The following FARS2 variants were observed in gnomAD, a reference collection of about 807,000 sequenced individuals.
FARS2 encodes phenylalanine--tRNA ligase, mitochondrial.
FARS2 carries 40 observed loss-of-function variants against 46.4 expected under a neutral mutation model. The observed-to-expected ratio is 0.86, with a 90% CI of 0.67 to 1.12. The LOEUF is 1.12. Ranked by LOEUF, FARS2 falls within the 50% of genes most tolerant of loss-of-function variation. The pLI is 0.00. For missense variants in FARS2, 513 were observed against 567.9 expected (o/e 0.90, Z 0.98); for synonymous variants, 234 against 214.9 (o/e 1.09, Z -0.78).
intron 1 of FARS2, among the ~76,000 whole-genome samples, chr6:5,293,295 A>G (rs180895347): frequency 1.3e-5 from 2 of 152,308 alleles, no homozygotes; most frequent in Non-Finnish European, 2.9e-5. Context: ...TTGTTTTAGT[A>G]GGAGAAATTA....
chr6:5,744,953 A>T (rs1041877574), intron 6 of FARS2, among the ~76,000 whole-genome samples: 9 of 152,230 alleles, frequency 5.9e-5, no homozygotes, highest in Non-Finnish European at 1.0e-4. Flanking sequence ...GGAAATCAAG[A>T]TGATCATCCT....
Position 5,567,354 on chromosome 6 carries a change from G to A in FARS2, c.1065+22014G>A, listed in dbSNP as rs1370897163. ...CGAGTACTTTGCGCATTTTTTAATT[G>A]AGTTCTTTGTTTTTTGTTATTTTTA... On this transcript the variant is annotated intron_variant, in intron 5 of 6. Transcript: ENST00000274680. Among the ~76,000 whole-genome samples the A allele has an allele frequency of 5.9e-5, 9 of 152,166 alleles. 2 individuals carry two copies. Among genetic ancestry groups the A allele is most frequent in the Admixed American group, 4.6e-4 (7 of 15,290 alleles).
At chr6:5,758,336 G>T (rs563169431) in intron 6 of FARS2, among the ~76,000 whole-genome samples, 2 of 151,916 alleles carry the variant, frequency 1.3e-5, no homozygotes, top group Non-Finnish European at 2.9e-5. Flanking sequence ...ACCAATTTTG[G>T]CTCTAAATGT....
chr6:5,713,839 C>T (rs1277106192), intron 6 of FARS2, among the ~76,000 whole-genome samples: 1 of 152,206 alleles, frequency 6.6e-6, no homozygotes, highest in Admixed American at 6.5e-5. Context: ...CAAGTGGCAG[C>T]CCCAGAGAAC....
At chr6:5,278,178 A>T (rs754675815) in intron 1 of FARS2, among the ~76,000 whole-genome samples, 6 of 152,170 alleles carry the variant, frequency 3.9e-5, no homozygotes, top group Non-Finnish European at 8.8e-5. Flanking sequence ...AGCTTGTGTG[A>T]TCTGTGAGTA....
At chr6:5,734,271 A>G (rs1760813631) in intron 6 of FARS2, among the ~76,000 whole-genome samples, 1 of 152,230 alleles carries the variant, frequency 6.6e-6, no homozygotes. Flanking sequence ...GGAGCACAAG[A>G]GCCTGCAATC....
chr6:5,284,959 C>T (rs1169870365), intron 1 of FARS2, among the ~76,000 whole-genome samples: 2 of 152,192 alleles, frequency 1.3e-5, no homozygotes, highest in South Asian at 2.1e-4. Flanking sequence ...CAAACTCAGT[C>T]GTCACCCCCA....
chr6:5,670,290 A>G lies in FARS2; in HGVS notation c.1217+56970A>G, dbSNP rs1582718373. On this transcript the variant is annotated intron_variant, in intron 6 of 6. Transcript: ENST00000274680. The stretch of plus-strand genomic sequence containing the variant: ...AAGTTACATCAATACTGACTAGATA[A>G]TACATATTCAACAGGCAGTACACCC... 3.9e-5 allele frequency among the ~76,000 whole-genome samples: 6 copies of G among 152,216 alleles called. No individual in the cohort carries two copies. In the East Asian group the frequency reaches 1.2e-3, roughly 29 times the overall value.
rs958600901 is a variant in FARS2 at position 5,559,006 on chromosome 6, A to G, written c.1065+13666A>G. ...TAAAATGATGATATGTTCTAAACGT[A>G]TATTTCTGGATTTAACTTGCTGATA... On this transcript the variant is annotated intron_variant, in intron 5 of 6. Coordinates refer to ENST00000274680, the MANE Select transcript of FARS2 (RefSeq NM_006567.5). Among the ~76,000 whole-genome samples the G allele has an allele frequency of 1.2e-4, 18 of 152,244 alleles. 1 individual carries two copies. Among genetic ancestry groups the G allele is most frequent in the Middle Eastern group, 3.4e-3 (1 of 294 alleles).
chr6:5,619,998 G>A (rs1459248233), intron 6 of FARS2, among the ~76,000 whole-genome samples: 3 of 151,986 alleles, frequency 2.0e-5, no homozygotes, highest in Non-Finnish European at 4.4e-5. Flanking sequence ...CCATATGTGC[G>A]CATCAGACGA....
chr6:5,521,100 C>T (rs1206064484), intron 4 of FARS2, among the ~76,000 whole-genome samples: 1 of 149,510 alleles, frequency 6.7e-6, no homozygotes, highest in Non-Finnish European at 1.5e-5. Context: ...TCCTTCGTTT[C>T]CCTTTTAAAT....
chr6:5,506,988 G>A (rs1582301179), intron 4 of FARS2, among the ~76,000 whole-genome samples: 1 of 152,152 alleles, frequency 6.6e-6, no homozygotes, highest in African/African-American at 2.4e-5. Flanking sequence ...AACATAGGAT[G>A]ACTTTTTCCA....
intron 5 of FARS2, among the ~76,000 whole-genome samples, chr6:5,549,763 C>T (rs886075360): frequency 1.3e-5 from 2 of 152,114 alleles, no homozygotes; most frequent in Admixed American, 1.3e-4. Context: ...GGGATTAGGA[C>T]GTAGATATCT....
intron 4 of FARS2, among the ~76,000 whole-genome samples, chr6:5,439,326 G>T (rs1449917800): frequency 6.6e-6 from 1 of 152,180 alleles, no homozygotes; most frequent in Non-Finnish European, 1.5e-5. Context: ...CATACCCTCA[G>T]ACTCCTCAAC....
Position 5,499,040 on chromosome 6 carries a change from G to A in FARS2, c.905-46140G>A, listed in dbSNP as rs144817205. Among the ~76,000 whole-genome samples, 8 of 152,280 alleles carry A rather than the reference G, an allele frequency of 5.3e-5. No homozygotes were observed. In the East Asian group the frequency reaches 5.8e-4, roughly 11 times the overall value. On this transcript the variant is annotated intron_variant, in intron 4 of 6. Coordinates refer to ENST00000274680, the MANE Select transcript of FARS2 (RefSeq NM_006567.5). ...AGCCTCCTGAGTAGCTGGGATTACA[G>A]GCATGCACCACCACGCCCAGCAAAT... is the stretch of plus-strand genomic sequence containing the variant.
At chr6:5,663,151 T>C (rs1331543118) in intron 6 of FARS2, among the ~76,000 whole-genome samples, 1 of 152,184 alleles carries the variant, frequency 6.6e-6, no homozygotes, top group East Asian at 1.9e-4. Flanking sequence ...AGTAATAAGA[T>C]TTTATAGCAG....
chr6:5,643,303 C>T (rs139583687), intron 6 of FARS2, among the ~76,000 whole-genome samples: 190 of 152,240 alleles, frequency 1.2e-3, no homozygotes, highest in African/African-American at 3.8e-3. Context: ...AATCAATGAG[C>T]GCTGCCACAG....
chr6:5,352,982 T>C (rs1229838253), intron 1 of FARS2, among the ~76,000 whole-genome samples: 2 of 152,202 alleles, frequency 1.3e-5, no homozygotes, highest in African/African-American at 4.8e-5. Context: ...TTAATGATAA[T>C]CACCCTTCTG....
chr6:5,378,309 CTCCTGCCCTCACGAT>C (rs1441994804), intron 2 of FARS2, among the ~76,000 whole-genome samples: 2 of 152,116 alleles, frequency 1.3e-5, no homozygotes, highest in Non-Finnish European at 2.9e-5. Flanking sequence ...ACGGAGGCTG[CTCCTGCCCTCACGAT>C]TCCTTCCCGC....
Sources: allele counts gnomAD v4.1 joint callset (sites outside exome capture counted in the v4.1 genomes callset), GRCh38; gene constraint gnomAD v4.1.1; transcripts MANE v1.5; gene names NCBI Gene and HGNC (gene_info 2026-07-23, HGNC 2026-07-21).